The following NOX4 variants were observed in gnomAD, a reference collection of about 807,000 sequenced individuals.
NOX4 encodes kidney oxidase-1.
In NOX4, 69 loss-of-function variants were observed where a neutral mutation model predicts 87.6. That is an observed-to-expected ratio of 0.79 (90% CI 0.65 to 0.96). NOX4 has a LOEUF of 0.96. NOX4 is among the 40% of genes least tolerant of loss of function. The pLI is 0.00. For missense variants in NOX4, 680 were observed against 681.5 expected, an observed-to-expected ratio of 1.00 and a Z score of 0.02; for synonymous variants, 275 against 238.2, an observed-to-expected ratio of 1.15 and a Z score of -1.42.
At position 89,420,782 on chromosome 11, in the gene NOX4, T is replaced by C. The variant is rs144653858; in HGVS notation, c.629+1120A>G. The stretch of plus-strand genomic sequence containing the variant: ...TGGAAATATTTCAGGTTAAGAAAAA[T>C]AGGGATTGTCAGCTGTGTTACCAGC... On this transcript the variant is annotated intron_variant, in intron 8 of 17. Coordinates refer to ENST00000263317, the MANE Select transcript of NOX4 (RefSeq NM_016931.5). Among the ~76,000 whole-genome samples the C allele has an allele frequency of 2.9e-3, 448 of 152,206 alleles. 1 individual carries two copies. The highest frequency in any genetic ancestry group is 8.9e-3 in the African/African-American group (369 of 41,540).
intron 2 of NOX4, among the ~76,000 whole-genome samples, chr11:89,461,580 G>C (rs765160681): frequency 1.3e-5 from 2 of 151,810 alleles, no homozygotes; most frequent in Admixed American, 1.3e-4. Flanking sequence ...GGAAGGCAGA[G>C]CTTGCAGTGA....
At chr11:89,485,111 T>G (rs930770067) in intron 2 of NOX4, among the ~76,000 whole-genome samples, 7 of 152,284 alleles carry the variant, frequency 4.6e-5, no homozygotes, top group African/African-American at 1.4e-4. Context: ...AATGTTATGA[T>G]ATAACTTCTA....
chr11:89,356,128 A>T (rs1424874287), intron 12 of NOX4, among the ~76,000 whole-genome samples: 1 of 152,160 alleles, frequency 6.6e-6, no homozygotes, highest in Non-Finnish European at 1.5e-5. Context: ...ATATATATGA[A>T]ATAAAGCAAA....
At chr11:89,390,207 G>A (rs1176015469) in intron 11 of NOX4, among the ~76,000 whole-genome samples, 1 of 152,150 alleles carries the variant, frequency 6.6e-6, no homozygotes, top group Admixed American at 6.6e-5. Context: ...ATAGCATAAT[G>A]TAAAATTTAG....
At chr11:89,390,216 A>G (rs1941032965) in intron 11 of NOX4, among the ~76,000 whole-genome samples, 1 of 152,220 alleles carries the variant, frequency 6.6e-6, no homozygotes, top group South Asian at 2.1e-4. Flanking sequence ...TGTAAAATTT[A>G]GCTTAGAAAT....
chr11:89,549,568 G>A, the NOX4 span, among the ~76,000 whole-genome samples: 1 of 152,134 alleles, frequency 6.6e-6, no homozygotes, highest in Non-Finnish European at 1.5e-5. Context: ...GTATACATGT[G>A]CCATGGTGGT....
Position 89,354,661 on chromosome 11 carries a change from C to T in NOX4, c.1217+301G>A, listed in dbSNP as rs190802696. ...TGAGGCATCACTGACAAAATACTGT[C>T]CCTGTTGATATGACATCAAGCAAAA... On this transcript the variant is annotated intron_variant, in intron 13 of 17. Coordinates refer to ENST00000263317, the MANE Select transcript of NOX4 (RefSeq NM_016931.5). 5.9e-3 allele frequency among the ~76,000 whole-genome samples: 905 copies of T among 152,202 alleles called. 1 individual carries two copies. The highest frequency in any genetic ancestry group is 0.014 in the Middle Eastern group (4 of 294).
chr11:89,341,942 A>T, intron 14 of NOX4, 132 bp downstream of exon 14: 1 of 763,678 alleles, frequency 1.3e-6, no homozygotes, highest in Non-Finnish European at 2.1e-6. Flanking sequence ...TCCCCTCACC[A>T]ATCAGGAAAT....
At chr11:89,416,829 T>C (rs1942806048) in intron 8 of NOX4, among the ~76,000 whole-genome samples, 1 of 152,184 alleles carries the variant, frequency 6.6e-6, no homozygotes, top group South Asian at 2.1e-4. Flanking sequence ...TCATGCTCTA[T>C]GATTAACTCT....
intron 13 of NOX4, among the ~76,000 whole-genome samples, chr11:89,345,748 C>A (rs528784586): frequency 1.3e-5 from 2 of 152,084 alleles, no homozygotes; most frequent in Non-Finnish European, 2.9e-5. Context: ...ATCCAACATC[C>A]CTTTATGGTA....
chr11:89,356,064 C>T (rs1938020862), intron 12 of NOX4, among the ~76,000 whole-genome samples: 1 of 151,946 alleles, frequency 6.6e-6, no homozygotes, highest in African/African-American at 2.4e-5. Flanking sequence ...TTGCATGTAA[C>T]AGAACATAAT....
the NOX4 span, among the ~76,000 whole-genome samples, chr11:89,568,972 T>C: frequency 6.6e-6 from 1 of 152,158 alleles, no homozygotes; most frequent in Non-Finnish European, 1.5e-5. Context: ...ATGCAGAGGA[T>C]TGAAGCTGGA....
chr11:89,336,730 G>A (rs1945731068), intron 16 of NOX4, among the ~76,000 whole-genome samples: 1 of 151,864 alleles, frequency 6.6e-6, no homozygotes, highest in Admixed American at 6.6e-5. Flanking sequence ...TCGTGAGACT[G>A]GTAAAATGAA....
chr11:89,467,419 T>C (rs924871850), intron 2 of NOX4, among the ~76,000 whole-genome samples: 2 of 150,176 alleles, frequency 1.3e-5, no homozygotes, highest in Non-Finnish European at 3.0e-5. Flanking sequence ...GTGCAGAGCA[T>C]CTCTCTCAGT....
upstream of NOX4, among the ~76,000 whole-genome samples, chr11:89,500,524 T>G (rs1591387659): frequency 6.6e-6 from 1 of 152,256 alleles, no homozygotes; most frequent in East Asian, 1.9e-4. Flanking sequence ...AACTAGTCAT[T>G]ACTTGTTTTA....
At chr11:89,449,382 T>C (rs932568107) in intron 4 of NOX4, 58 bp downstream of exon 4, 5 of 1,267,520 alleles carry the variant, frequency 3.9e-6, no homozygotes, top group Non-Finnish European at 5.6e-6. Flanking sequence ...ATGTCTGGAA[T>C]GTTTACATTT....
the NOX4 span, among the ~76,000 whole-genome samples, chr11:89,546,890 T>C: frequency 2.0e-5 from 3 of 152,176 alleles, no homozygotes; most frequent in Non-Finnish European, 4.4e-5. Context: ...CCTCTCAACA[T>C]AGTTGCATAA....
chr11:89,420,238 A>T (rs1028554243), intron 8 of NOX4, among the ~76,000 whole-genome samples: 1 of 152,158 alleles, frequency 6.6e-6, no homozygotes, highest in African/African-American at 2.4e-5. Context: ...TTCTCATAAC[A>T]TTCTGAGCAT....
chr11:89,470,027 G>A (rs933165885), intron 2 of NOX4, among the ~76,000 whole-genome samples: 9 of 151,450 alleles, frequency 5.9e-5, no homozygotes, highest in African/African-American at 2.2e-4. Flanking sequence ...GTGGTCTTAG[G>A]TAACTATGTG....
Sources: gnomAD v4.1 joint callset for allele counts (sites outside exome capture counted in the v4.1 genomes callset) on GRCh38, gnomAD v4.1.1 for gene constraint, MANE v1.5 for transcripts, NCBI Gene and HGNC (gene_info 2026-07-23, HGNC 2026-07-21) for gene names.